ATAD3C: variants seen among roughly 807,000 people sequenced by gnomAD.
ATAD3C encodes ATPase family AAA domain-containing protein 3C.
ATAD3C carries 38 observed loss-of-function variants against 46.3 expected under a neutral mutation model. The observed-to-expected ratio is 0.82, with a 90% CI of 0.63 to 1.08. ATAD3C has a LOEUF of 1.08. Among genes scored for constraint, ATAD3C ranks in the 50% least tolerant of loss-of-function variants. The probability of loss-of-function intolerance (pLI) is 0.00; values close to 1 mark genes in which losing one functional copy is unlikely to be tolerated. For missense variants in ATAD3C, 563 were observed against 572.7 expected, an observed-to-expected ratio of 0.98 and a Z score of 0.17; for synonymous variants, 220 against 236.4, an observed-to-expected ratio of 0.93 and a Z score of 0.63.
rs1639082225 is a variant in ATAD3C at position 1,462,334 on chromosome 1, G to A, written c.981-266G>A. The A allele has an allele frequency of 1.3e-5, 5 of 390,102 alleles. No homozygotes were observed. Among genetic ancestry groups the A allele is most frequent in the East Asian group, 1.1e-4 (2 of 17,606 alleles). 24.2% of individuals were successfully genotyped at this position (390,102 alleles called of 1,614,324 possible). On this transcript the variant is annotated intron_variant, in intron 10 of 11. Coordinates refer to ENST00000378785, the MANE Select transcript of ATAD3C (RefSeq NM_001039211.3). The surrounding 1 kb of genome is among the most constrained non-coding windows in gnomAD (Gnocchi z 4.5). Reference sequence around the variant, plus strand: ...AGGGCTCTGCCACTGCCAGTTTAACGGCCATGCGCCCTGTGGGTGCTGAGT... The same window carrying A: ...AGGGCTCTGCCACTGCCAGTTTAACAGCCATGCGCCCTGTGGGTGCTGAGT...
In ATAD3C at chr1:1,450,249, C is replaced by T. The variant is rs1025890580; in HGVS notation, c.-435C>T. On this transcript the variant is annotated 5_prime_UTR_variant, in exon 1 of 12. Coordinates refer to ENST00000378785, the MANE Select transcript of ATAD3C (RefSeq NM_001039211.3). ...CTGAGGCAGGAGAGTGACGTGAACC[C>T]GAGAGGTAGAGCTTGCAGTAAGCAG... The T allele has an allele frequency of 1.1e-4, 17 of 158,528 alleles. No homozygotes were observed. The East Asian group carries it at 1.4e-3, about 13-fold the overall frequency. 9.8% of individuals were successfully genotyped at this position (158,528 alleles called of 1,614,324 possible). A position where few individuals can be genotyped will look rare whatever the true frequency, so the allele number is the denominator to read the frequency against.
At chr1:1,460,160 C>T (rs1041744473) in intron 9 of ATAD3C, among the ~76,000 whole-genome samples, 6 of 151,452 alleles carry the variant, frequency 4.0e-5, no homozygotes, top group South Asian at 4.2e-4. Flanking sequence ...GCAACCTCCA[C>T]CTCCTGGGTT....
In ATAD3C at chr1:1,468,859, C is replaced by T. The variant is rs1485443392; in HGVS notation, c.*329C>T. The T allele has an allele frequency of 6.2e-4, 200 of 323,422 alleles. 3 individuals carry two copies. The Admixed American group carries it at 9.4e-3, about 15-fold the overall frequency. 20.0% of individuals were successfully genotyped at this position (323,422 alleles called of 1,614,324 possible). On this transcript the variant is annotated 3_prime_UTR_variant, in exon 12 of 12. Coordinates refer to ENST00000378785, the MANE Select transcript of ATAD3C (RefSeq NM_001039211.3). ...GCGGGTGCCCCTTCGCCTCCCTCCC[C>T]TCCGCCAGAGCTGCCTGTGGCCAGA...
intron 11 of ATAD3C, among the ~76,000 whole-genome samples, chr1:1,465,059 T>C (rs1639125018): frequency 6.6e-6 from 1 of 151,072 alleles, no homozygotes; most frequent in Admixed American, 6.6e-5. Context: ...CTAATTTTTG[T>C]ATTTTTAGTA....
intron 11 of ATAD3C, among the ~76,000 whole-genome samples, chr1:1,466,928 T>C (rs1435152693): frequency 2.0e-5 from 3 of 152,038 alleles, no homozygotes; most frequent in Non-Finnish European, 4.4e-5. Flanking sequence ...TGAGGAGTGG[T>C]ACTGATTCTT....
Position 1,457,141 on chromosome 1 carries a change from T to G in ATAD3C, c.702T>G (p.Phe234Leu), listed in dbSNP as rs552345395. ...ANTSRRGLLL[F>L]VDEADAFLRK... ...CTCTCGTCCACAGCCTCCTGCTCTT[T>G]GTGGATGAAGCGGACGCCTTCCTTC... is the stretch of plus-strand genomic sequence containing the variant. Residue 234 changes from phenylalanine to leucine, a missense_variant, in exon 8 of 12, where the codon TTT becomes TTG. Coordinates refer to ENST00000378785, the MANE Select transcript of ATAD3C (RefSeq NM_001039211.3). The G allele has an allele frequency of 5.6e-6, 9 of 1,613,402 alleles. No homozygotes were observed. In the South Asian group the frequency reaches 9.9e-5, roughly 18 times the overall value.
intron 6 of ATAD3C, 119 bp downstream of exon 6, chr1:1,456,035 G>C (rs1431920246): frequency 1.3e-6 from 2 of 1,528,040 alleles, no homozygotes; most frequent in African/African-American, 1.4e-5. Flanking sequence ...GCCCACCCTC[G>C]TGTAGGCTCA....
intron 11 of ATAD3C, among the ~76,000 whole-genome samples, chr1:1,467,238 T>C (rs1639158229): frequency 6.6e-6 from 1 of 152,014 alleles, no homozygotes; most frequent in Non-Finnish European, 1.5e-5. Context: ...CTCACCCCCT[T>C]TCCTCTGCTG....
At position 1,451,044 on chromosome 1, in the gene ATAD3C, AT is replaced by A. The variant is rs755093409; in HGVS notation, c.75+300del. On this transcript the variant is annotated intron_variant, in intron 1 of 11. Transcript: ENST00000378785. ...CACCTCATTTCTTTGACTCAGCAGG[AT>A]TTTTTTTTTTTTTGAGATGGTGTCT... Among the ~76,000 whole-genome samples, 384 of 142,784 alleles carry A rather than the reference AT, an allele frequency of 2.7e-3. 2 individuals are homozygous for A. Among genetic ancestry groups the A allele is most frequent in the Middle Eastern group, 0.022 (6 of 272 alleles). 93.7% of individuals were successfully genotyped at this position (142,784 alleles called of 152,430 possible). A position where few individuals can be genotyped will look rare whatever the true frequency, so the allele number is the denominator to read the frequency against.
At chr1:1,450,888 C>G in intron 1 of ATAD3C, 130 bp downstream of exon 1, 1 of 1,408,020 alleles carries the variant, frequency 7.1e-7, no homozygotes, top group South Asian at 1.3e-5. Context: ...CAGGGCCAAG[C>G]TTGGGCGCCT....
intron 11 of ATAD3C, among the ~76,000 whole-genome samples, chr1:1,464,204 C>CAAA (rs1271158156): frequency 2.4e-5 from 2 of 81,792 alleles, no homozygotes; most frequent in South Asian, 3.8e-4. Context: ...GAGACTGTCT[C>CAAA]AAAAAAAAAA....
chr1:1,468,494 G>T lies in ATAD3C; in HGVS notation c.1200G>T (p.Glu400Asp), dbSNP rs561296066. ...HQQMMRWLKG[E>D]RPGPEDEQPS... ...AGATGATGCGCTGGCTGAAGGGGGA[G>T]AGGCCTGGGCCCGAGGACGAGCAAC... Residue 400 changes from glutamate (E) to aspartate (D), a missense_variant, in exon 12 of 12, where the codon GAG (glutamate) becomes GAT (aspartate). This residue lies in a region of ATAD3C where 273 missense variants were observed against 253.5 expected (regional missense o/e 1.08). Coordinates refer to ENST00000378785, the MANE Select transcript of ATAD3C (RefSeq NM_001039211.3). 1.1e-5 allele frequency: 17 copies of T among 1,611,534 alleles called. No individual in the cohort carries two copies. In the East Asian group the frequency reaches 3.6e-4, roughly 34 times the overall value.
chr1:1,463,417 T>A (rs537226678), intron 11 of ATAD3C, among the ~76,000 whole-genome samples: 1 of 152,196 alleles, frequency 6.6e-6, no homozygotes, highest in East Asian at 1.9e-4. Flanking sequence ...GCACATTATG[T>A]GTGACAGCTT....
Position 1,462,463 on chromosome 1 carries a change from T to C in ATAD3C, c.981-137T>C. 1 of 936,424 alleles carries C rather than the reference T, an allele frequency of 1.1e-6. No homozygotes were observed. The highest frequency in any genetic ancestry group is 1.6e-6 in the Non-Finnish European group (1 of 608,930). 58.0% of individuals were successfully genotyped at this position (936,424 alleles called of 1,614,324 possible). ...GCTTGCGTCAGGAAGGGGGCGGAACTTGGCTGTCACAGGTAGAGAGTCCCT... is the reference window on the plus strand; with the variant it reads ...GCTTGCGTCAGGAAGGGGGCGGAACCTGGCTGTCACAGGTAGAGAGTCCCT... On this transcript the variant is annotated intron_variant, in intron 10 of 11. Coordinates refer to ENST00000378785, the MANE Select transcript of ATAD3C (RefSeq NM_001039211.3). The surrounding 1 kb of genome is among the most constrained non-coding windows in gnomAD (Gnocchi z 4.5).
rs894032869 is a variant in ATAD3C at position 1,451,901 on chromosome 1, T to G, written c.76-145T>G. 66 of 1,347,678 alleles carry G rather than the reference T, an allele frequency of 4.9e-5. 1 individual carries two copies. The highest frequency in any genetic ancestry group is 6.4e-5 in the Non-Finnish European group (64 of 1,001,972). 83.5% of individuals were successfully genotyped at this position (1,347,678 alleles called of 1,614,324 possible). A position where few individuals can be genotyped will look rare whatever the true frequency, so the allele number is the denominator to read the frequency against. On this transcript the variant is annotated intron_variant, in intron 1 of 11. Transcript: ENST00000378785. Reference sequence around the variant, plus strand: ...CGTCCCGGCCGATGTCACCCGTGTCTGTGTCAGGGTGCGGCGTCTGCAGGT... The same window carrying G: ...CGTCCCGGCCGATGTCACCCGTGTCGGTGTCAGGGTGCGGCGTCTGCAGGT...
intron 3 of ATAD3C, among the ~76,000 whole-genome samples, chr1:1,453,951 A>G (rs910914981): frequency 4.6e-5 from 7 of 151,892 alleles, no homozygotes; most frequent in African/African-American, 1.7e-4. Context: ...GGCCTAATTG[A>G]TTTTTAAAAC....
intron 11 of ATAD3C, among the ~76,000 whole-genome samples, chr1:1,464,204 CAA>C (rs1271158156): frequency 3.2e-4 from 26 of 81,744 alleles, no homozygotes; most frequent in Admixed American, 5.6e-4. Flanking sequence ...GAGACTGTCT[CAA>C]AAAAAAAAAA....
At chr1:1,452,804 A>T (rs1210079535) in intron 3 of ATAD3C, among the ~76,000 whole-genome samples, 1 of 136,564 alleles carries the variant, frequency 7.3e-6, no homozygotes, top group Non-Finnish European at 1.5e-5. Flanking sequence ...TCTCAAAAAA[A>T]AAAAAAAGAA....
chr1:1,455,051 TAAA>T (rs945378072), intron 4 of ATAD3C, among the ~76,000 whole-genome samples: 12 of 149,432 alleles, frequency 8.0e-5, no homozygotes, highest in African/African-American at 2.5e-4. Flanking sequence ...CCATCTCTAC[TAAA>T]AAAATACAAA....
Sources: gnomAD v4.1 joint callset for allele counts (sites outside exome capture counted in the v4.1 genomes callset) on GRCh38, gnomAD v4.1.1 for gene constraint, gnomAD v4.1.1 regional missense constraint, Gnocchi (gnomAD v3.1) non-coding constraint, MANE v1.5 for transcripts, NCBI Gene and HGNC (gene_info 2026-07-23, HGNC 2026-07-21) for gene names.